Variants in SLC4A4 observed in about 807,000 individuals in gnomAD.
The protein encoded by SLC4A4 is electrogenic sodium bicarbonate cotransporter 1.
A neutral mutation model predicts 111.5 loss-of-function variants in SLC4A4; 27 were observed. The observed-to-expected ratio is 0.24, with a 90% CI of 0.18 to 0.33. The LOEUF (loss-of-function observed/expected upper bound fraction) is 0.33. Among genes scored for constraint, SLC4A4 ranks in the 10% least tolerant of loss-of-function variants. The pLI is 1.00. For synonymous variants in SLC4A4, 443 were observed against 463.4 expected, an observed-to-expected ratio of 0.96 and a Z score of 0.57; for missense variants, 909 against 1,315.5, an observed-to-expected ratio of 0.69 and a Z score of 4.78.
In SLC4A4 at chr4:71,197,150, G is replaced by T. The variant is rs867635980; in HGVS notation, c.-2+9749G>T. 3.9e-5 allele frequency among the ~76,000 whole-genome samples: 6 copies of T among 152,140 alleles called. No individual in the cohort carries two copies. In the South Asian group the frequency reaches 1.2e-3, roughly 32 times the overall value. Reference sequence around the variant, plus strand: ...GAATTGCTTGAACCTGGTAGGTGGGGGTTGCAGTGAGGTGAGGTCGCACCA... The same window carrying T: ...GAATTGCTTGAACCTGGTAGGTGGGTGTTGCAGTGAGGTGAGGTCGCACCA... On this transcript the variant is annotated intron_variant, in intron 1 of 25. Transcript: ENST00000264485.
At chr4:71,479,767 G>A (rs902889087) in intron 14 of SLC4A4, among the ~76,000 whole-genome samples, 12 of 151,714 alleles carry the variant, frequency 7.9e-5, no homozygotes, top group Non-Finnish European at 1.8e-4. Context: ...TGGTAATAGT[G>A]TTTTGGAAGA....
At chr4:71,218,165 G>A (rs2149018673) in intron 1 of SLC4A4, among the ~76,000 whole-genome samples, 1 of 152,338 alleles carries the variant, frequency 6.6e-6, no homozygotes, top group Admixed American at 6.5e-5. Context: ...TCTTTAAGAA[G>A]TGAGTGATGT....
chr4:71,486,787 A>G (rs1729442432), intron 14 of SLC4A4, among the ~76,000 whole-genome samples, 161 bp from the exon 15 acceptor site: 1 of 151,488 alleles, frequency 6.6e-6, no homozygotes, highest in South Asian at 2.1e-4. Flanking sequence ...TCTAGGTGAA[A>G]GGTGAACACA....
intron 3 of SLC4A4, among the ~76,000 whole-genome samples, chr4:71,287,003 A>G (rs1363091562): frequency 6.6e-6 from 1 of 152,164 alleles, no homozygotes; most frequent in African/African-American, 2.4e-5. Context: ...TGGCAGAGCC[A>G]AGACTTTAGC....
At chr4:71,475,181 G>C (rs1323250602) in intron 14 of SLC4A4, among the ~76,000 whole-genome samples, 1 of 151,592 alleles carries the variant, frequency 6.6e-6, no homozygotes, top group African/African-American at 2.4e-5. Flanking sequence ...AACACTTTGA[G>C]ATATTCATGA....
At chr4:71,342,111 T>G (rs1272558915) in intron 4 of SLC4A4, among the ~76,000 whole-genome samples, 1 of 152,220 alleles carries the variant, frequency 6.6e-6, no homozygotes, top group African/African-American at 2.4e-5. Flanking sequence ...ATAACACATT[T>G]CCACTCCTCA....
chr4:71,344,431 T>C (rs1560426918), intron 4 of SLC4A4, among the ~76,000 whole-genome samples: 1 of 152,010 alleles, frequency 6.6e-6, no homozygotes, highest in Non-Finnish European at 1.5e-5. Flanking sequence ...GATAGTTTTT[T>C]CCCCCCATTA....
chr4:71,103,214 G>A (rs994729325), intron 2 of SLC4A4, among the ~76,000 whole-genome samples: 8 of 149,816 alleles, frequency 5.3e-5, no homozygotes, highest in South Asian at 2.1e-4. Flanking sequence ...TCAACAAGAA[G>A]AGCTAACTAT....
At position 71,572,056 on chromosome 4, in the gene SLC4A4, A is replaced by C. The variant is rs1737958156; in HGVS notation, c.*4305A>C. On this transcript the variant is annotated 3_prime_UTR_variant, in exon 26 of 26. Transcript: ENST00000264485. ...ATTTATATTTTTCAAAATTATATGT[A>C]TACTTAAAAATAAAGTAACTTTATG... 6.6e-6 allele frequency: 1 copy of C among 152,254 alleles called. No individual in the cohort carries two copies. The highest frequency in any genetic ancestry group is 2.1e-4 in the South Asian group (1 of 4,830). 9.4% of individuals were successfully genotyped at this position (152,254 alleles called of 1,614,324 possible).
intron 12 of SLC4A4, among the ~76,000 whole-genome samples, chr4:71,454,505 T>C (rs899352729): frequency 1.2e-4 from 18 of 152,166 alleles, no homozygotes; most frequent in African/African-American, 3.9e-4. Context: ...CTATATATTA[T>C]TGTATAACCT....
intron 2 of SLC4A4, among the ~76,000 whole-genome samples, chr4:71,241,465 C>G (rs1460557822): frequency 6.6e-6 from 1 of 152,072 alleles, no homozygotes; most frequent in Non-Finnish European, 1.5e-5. Context: ...ATATGATGAT[C>G]ATCTACTCGT....
intron 6 of SLC4A4, among the ~76,000 whole-genome samples, chr4:71,362,364 T>A (rs1460972504): frequency 6.6e-6 from 1 of 152,228 alleles, no homozygotes; most frequent in Non-Finnish European, 1.5e-5. Context: ...AATTTAGTAG[T>A]TGCTCTTGAT....
At chr4:71,526,382 T>G (rs1387141502) in intron 16 of SLC4A4, among the ~76,000 whole-genome samples, 1 of 152,090 alleles carries the variant, frequency 6.6e-6, no homozygotes, top group East Asian at 1.9e-4. Context: ...TCACCCTGAC[T>G]GTGATTTTTA....
intron 3 of SLC4A4, among the ~76,000 whole-genome samples, chr4:71,294,989 T>C (rs1724661091): frequency 6.6e-6 from 1 of 152,254 alleles, no homozygotes; most frequent in Non-Finnish European, 1.5e-5. Context: ...TAGTATTTAC[T>C]GTGCTATAAT....
Position 71,450,346 on chromosome 4 carries a change from A to G in SLC4A4, c.1054-43A>G, listed in dbSNP as rs780266414. On this transcript the variant is annotated intron_variant, in intron 9 of 25. Coordinates refer to ENST00000264485, the MANE Select transcript of SLC4A4 (RefSeq NM_001098484.3). The stretch of plus-strand genomic sequence containing the variant: ...GCTTGATATGGTGTGAAGCATGTAC[A>G]GAGTTATCTTTTTGGATGAGCACAT... 6 of 1,405,068 alleles carry G rather than the reference A, an allele frequency of 4.3e-6. No homozygotes were observed. The Admixed American group carries it at 8.4e-5, about 20-fold the overall frequency. 87.0% of individuals were successfully genotyped at this position (1,405,068 alleles called of 1,614,324 possible).
chr4:71,447,989 A>G (rs1725386645), intron 9 of SLC4A4, among the ~76,000 whole-genome samples: 1 of 152,078 alleles, frequency 6.6e-6, no homozygotes. Context: ...AAACATTTTC[A>G]TTTCTTAAAA....
chr4:71,156,994 C>T (rs1350851592), intron 2 of SLC4A4, among the ~76,000 whole-genome samples: 1 of 152,068 alleles, frequency 6.6e-6, no homozygotes, highest in African/African-American at 2.4e-5. Context: ...GTTTCATGTT[C>T]GAGAAAGGAG....
chr4:71,504,806 G>T (rs946686630), intron 16 of SLC4A4, among the ~76,000 whole-genome samples: 4 of 151,870 alleles, frequency 2.6e-5, no homozygotes, highest in African/African-American at 9.7e-5. Flanking sequence ...GTGGTTTGCT[G>T]CACAGATCAT....
At chr4:71,477,076 A>T (rs1253610894) in intron 14 of SLC4A4, among the ~76,000 whole-genome samples, 1 of 151,752 alleles carries the variant, frequency 6.6e-6, no homozygotes, top group Non-Finnish European at 1.5e-5. Flanking sequence ...CCAATTTAGA[A>T]ATGTTAATGT....
Sources: allele counts gnomAD v4.1 joint callset (sites outside exome capture counted in the v4.1 genomes callset), GRCh38; gene constraint gnomAD v4.1.1; transcripts MANE v1.5; gene names NCBI Gene and HGNC (gene_info 2026-07-23, HGNC 2026-07-21).